Variants in LYST observed in about 807,000 individuals in gnomAD.
The protein encoded by LYST is lysosomal trafficking regulator, also known as lysosomal-trafficking regulator.
LYST carries 192 observed loss-of-function variants against 413.6 expected under a neutral mutation model. The ratio of observed to expected loss-of-function variants is 0.46; its 90% CI spans 0.41 to 0.52. The LOEUF is 0.52. LYST is among the 20% of genes least tolerant of loss of function. The pLI is 0.00. For missense variants in LYST, 3,815 were observed against 4,499.9 expected (o/e 0.85, Z 4.35); for synonymous variants, 1,525 against 1,567.3 (o/e 0.97, Z 0.64).
intron 1 of LYST, among the ~76,000 whole-genome samples, chr1:235,851,497 C>T (rs1455827393): frequency 6.6e-6 from 1 of 151,924 alleles, no homozygotes; most frequent in African/African-American, 2.4e-5. Context: ...CACAAATCAC[C>T]ACTAAATAAC....
Position 235,806,256 on chromosome 1 carries a change from T to C in LYST, c.2880A>G (p.Ala960=). The change falls in exon 6 of 53, where the codon GCA becomes GCG. Residue 960 remains alanine (A), a synonymous_variant. Coordinates refer to ENST00000389793, the MANE Select transcript of LYST (RefSeq NM_000081.4). ...VLPSPEHMHQ[A]ADIWSMCRWI... The stretch of plus-strand genomic sequence containing the variant: ...AACGACACATAGACCAAATGTCTGC[T>C]GCTTGGTGCATATGTTCAGGAGAAG... 1 of 1,614,078 alleles carries C rather than the reference T, an allele frequency of 6.2e-7. No homozygotes were observed. Among genetic ancestry groups the C allele is most frequent in the Non-Finnish European group, 8.5e-7 (1 of 1,179,996 alleles).
chr1:235,783,422 T>C (rs957140999), intron 14 of LYST, among the ~76,000 whole-genome samples: 2 of 152,056 alleles, frequency 1.3e-5, no homozygotes, highest in African/African-American at 4.8e-5. Context: ...TAAAAAATAG[T>C]TTTTCAATGA....
At chr1:235,836,746 A>G (rs1327886958) in intron 1 of LYST, among the ~76,000 whole-genome samples, 2 of 152,218 alleles carry the variant, frequency 1.3e-5, no homozygotes, top group East Asian at 3.8e-4. Flanking sequence ...AAAAAAGACT[A>G]TAAGGTTTTT....
intron 10 of LYST, 92 bp from the exon 11 acceptor site, chr1:235,793,704 C>T (rs1490977977): frequency 1.0e-5 from 7 of 696,328 alleles, no homozygotes; most frequent in Middle Eastern, 2.7e-4. Context: ...ATACTATTGT[C>T]ACTTTTTGAA....
intron 48 of LYST, among the ~76,000 whole-genome samples, chr1:235,684,205 CA>C (rs1660041075): frequency 6.6e-6 from 1 of 152,112 alleles, no homozygotes; most frequent in Non-Finnish European, 1.5e-5. Context: ...ATCCTGTGCA[CA>C]AATACTCCTA....
intron 46 of LYST, 32 bp downstream of exon 46, chr1:235,697,051 T>C: frequency 6.3e-7 from 1 of 1,590,560 alleles, no homozygotes; most frequent in South Asian, 1.1e-5. Context: ...GAAAGATATA[T>C]CCAGAATGAT....
intron 1 of LYST, among the ~76,000 whole-genome samples, chr1:235,859,502 C>CTT (rs34646468): frequency 2.8e-3 from 411 of 144,588 alleles, no homozygotes; most frequent in African/African-American, 7.4e-3. Context: ...AGCACCAGGC[C>CTT]TTTTTTTTTT....
At chr1:235,867,774 G>A (rs1680713766), upstream of LYST, among the ~76,000 whole-genome samples, 1 of 152,158 alleles carries the variant, frequency 6.6e-6, no homozygotes, top group African/African-American at 2.4e-5. Flanking sequence ...CAGAGGTACT[G>A]GGAAAAAGCC....
chr1:235,879,182 A>G (rs1295354030), intron 1 of LYST, among the ~76,000 whole-genome samples: 2 of 152,166 alleles, frequency 1.3e-5, no homozygotes, highest in African/African-American at 4.8e-5. Context: ...TTCTTCACAC[A>G]TTGAAGACAA....
intron 1 of LYST, among the ~76,000 whole-genome samples, chr1:235,862,606 G>A (rs1055774371): frequency 6.6e-6 from 1 of 152,034 alleles, no homozygotes; most frequent in Non-Finnish European, 1.5e-5. Context: ...GACCAGCCTG[G>A]GCAACACGGT....
In LYST at chr1:235,804,562, C is replaced by T. The variant is rs767798238; in HGVS notation, c.3497G>A (p.Arg1166Gln). ...LAKPLFDALL[R>Q]VALGNYSADF... The stretch of plus-strand genomic sequence containing the variant: ...TGCTGAATAATTCCCGAGGGCAACT[C>T]GAAGCAGGGCATCAAATAAAGGCTT... Residue 1166 changes from arginine to glutamine, a missense_variant, in exon 7 of 53, where the codon CGA (arginine) becomes CAA (glutamine). Arg to Gln is a conservative substitution (Grantham distance 43, BLOSUM62 1). Coordinates refer to ENST00000389793, the MANE Select transcript of LYST (RefSeq NM_000081.4). The T allele has an allele frequency of 1.1e-5, 17 of 1,612,986 alleles. 1 individual carries two copies. The highest frequency in any genetic ancestry group is 4.5e-5 in the East Asian group (2 of 44,870).
chr1:235,709,020 C>T (rs926561117), intron 44 of LYST, 71 bp downstream of exon 44: 16 of 1,397,224 alleles, frequency 1.1e-5, no homozygotes, highest in Admixed American at 8.5e-5. Flanking sequence ...AAGGAATGGC[C>T]GAACAACTAA....
At chr1:235,816,911 G>C (rs1055097097) in intron 3 of LYST, among the ~76,000 whole-genome samples, 3 of 152,084 alleles carry the variant, frequency 2.0e-5, no homozygotes, top group African/African-American at 7.2e-5. Context: ...GCACAGCAAA[G>C]GAAACTATCA....
At chr1:235,734,453 T>C in intron 32 of LYST, 30 bp downstream of exon 32, 1 of 1,580,700 alleles carries the variant, frequency 6.3e-7, no homozygotes, top group Non-Finnish European at 8.7e-7. Flanking sequence ...TGGAATCTCC[T>C]AAGAAAGTAC....
rs1558273125 is a variant in LYST at position 235,805,690 on chromosome 1, G to A, written c.3393+53C>T. On this transcript the variant is annotated intron_variant, in intron 6 of 52. Transcript: ENST00000389793. Reference sequence around the variant, plus strand: ...ATTTTTTATATATATATGTGTGTGTGTATATATATGTATATATATTACATA... The same window carrying A: ...ATTTTTTATATATATATGTGTGTGTATATATATATGTATATATATTACATA... The A allele has an allele frequency of 1.1e-5, 11 of 969,602 alleles. No individual in the cohort carries two copies. In the East Asian group the frequency reaches 1.2e-4, roughly 11 times the overall value. 60.1% of individuals were successfully genotyped at this position (969,602 alleles called of 1,614,324 possible). A position where few individuals can be genotyped will look rare whatever the true frequency, so the allele number is the denominator to read the frequency against.
intron 46 of LYST, among the ~76,000 whole-genome samples, chr1:235,695,660 T>C (rs969657395): frequency 1.5e-5 from 2 of 131,648 alleles, no homozygotes; most frequent in Non-Finnish European, 3.1e-5. Context: ...TGAGACGGAG[T>C]CTTGCTCTGT....
intron 48 of LYST, among the ~76,000 whole-genome samples, chr1:235,679,973 A>G (rs919774751): frequency 1.8e-4 from 28 of 151,672 alleles, no homozygotes; most frequent in African/African-American, 6.5e-4. Flanking sequence ...CAGATCTTCA[A>G]TGCTTTTAAG....
intron 3 of LYST, among the ~76,000 whole-genome samples, chr1:235,818,625 T>C (rs1674422777): frequency 6.6e-6 from 1 of 151,840 alleles, no homozygotes; most frequent in East Asian, 1.9e-4. Flanking sequence ...AATAAAAATG[T>C]ACATGGTCTT....
intron 1 of LYST, among the ~76,000 whole-genome samples, chr1:235,849,797 A>C (rs991295353): frequency 7.2e-6 from 1 of 139,838 alleles, no homozygotes; most frequent in Non-Finnish European, 1.6e-5. Flanking sequence ...AAAAAAAAAA[A>C]ACTTAGGAAG....
Sources: gnomAD v4.1 joint callset for allele counts (sites outside exome capture counted in the v4.1 genomes callset) on GRCh38, gnomAD v4.1.1 for gene constraint, MANE v1.5 for transcripts, NCBI Gene and HGNC (gene_info 2026-07-23, HGNC 2026-07-21) for gene names.